INPP4B: variants seen among roughly 807,000 people sequenced by gnomAD.
The protein encoded by INPP4B is inositol polyphosphate 4-phosphatase type II.
A neutral mutation model predicts 122.5 loss-of-function variants in INPP4B; 55 were observed. That is an observed-to-expected ratio of 0.45 (90% confidence interval 0.36 to 0.56). The LOEUF is 0.56. Among genes scored for constraint, INPP4B ranks in the 20% least tolerant of loss-of-function variants. The pLI is 0.00. For synonymous variants in INPP4B, 403 were observed against 388.7 expected (o/e 1.04, Z -0.43); for missense variants, 1,000 against 1,097.7 (o/e 0.91, Z 1.26).
chr4:142,742,991 C>T (rs1293437509), intron 1 of INPP4B, among the ~76,000 whole-genome samples: 1 of 151,916 alleles, frequency 6.6e-6, no homozygotes, highest in African/African-American at 2.4e-5. Flanking sequence ...AAATAGAATT[C>T]AAGTGTATTA....
chr4:142,083,112 A>C (rs1774945088), intron 24 of INPP4B, among the ~76,000 whole-genome samples: 1 of 151,976 alleles, frequency 6.6e-6, no homozygotes, highest in South Asian at 2.1e-4. Flanking sequence ...AAAAAAAAAA[A>C]AAACCTCCCA....
rs1024310121 is a variant in INPP4B, at chr4:142,252,390, G to A, written c.688+8102C>T. 4.6e-5 allele frequency among the ~76,000 whole-genome samples: 7 copies of A among 151,740 alleles called. No individual in the cohort carries two copies. The East Asian group carries it at 5.8e-4, about 13-fold the overall frequency. ...TTTTTAGTAGAGACGGGGTTTCGCC[G>A]TGTTAGCCAGGATGGTCTCGATCTC... is the stretch of plus-strand genomic sequence containing the variant. On this transcript the variant is annotated intron_variant, in intron 11 of 25. Coordinates refer to ENST00000262992, the MANE Select transcript of INPP4B (RefSeq NM_001101669.3).
intron 5 of INPP4B, among the ~76,000 whole-genome samples, chr4:142,419,812 G>A (rs1300654242): frequency 6.6e-6 from 1 of 152,068 alleles, no homozygotes; most frequent in Admixed American, 6.6e-5. Flanking sequence ...TCAACAAGAA[G>A]ACTGACTGAC....
intron 1 of INPP4B, among the ~76,000 whole-genome samples, chr4:142,761,892 A>C (rs1213329947): frequency 1.3e-5 from 2 of 152,120 alleles, no homozygotes; most frequent in African/African-American, 2.4e-5. Flanking sequence ...ACCTCTCAAA[A>C]TACAGCAGGG....
chr4:142,560,945 C>A (rs1364319963), intron 2 of INPP4B, among the ~76,000 whole-genome samples: 1 of 152,166 alleles, frequency 6.6e-6, no homozygotes, highest in Non-Finnish European at 1.5e-5. Flanking sequence ...ACCAGTCTCA[C>A]ATAGGTTGAT....
At chr4:142,239,890 A>T (rs953671518) in intron 11 of INPP4B, among the ~76,000 whole-genome samples, 3 of 151,816 alleles carry the variant, frequency 2.0e-5, no homozygotes, top group African/African-American at 7.3e-5. Flanking sequence ...TTTTTTTTTC[A>T]TGATCACACA....
At chr4:142,101,161 G>A (rs1164334716) in intron 23 of INPP4B, among the ~76,000 whole-genome samples, 1 of 152,130 alleles carries the variant, frequency 6.6e-6, no homozygotes, top group Non-Finnish European at 1.5e-5. Context: ...CTAAGAAAGT[G>A]AAAGCAGCAC....
chr4:142,334,427 A>T (rs1242820264), intron 7 of INPP4B, among the ~76,000 whole-genome samples: 3 of 152,084 alleles, frequency 2.0e-5, no homozygotes, highest in Non-Finnish European at 4.4e-5. Context: ...GCATGAAGAG[A>T]TCTCCTTGAG....
intron 7 of INPP4B, 67 bp downstream of exon 7, chr4:142,402,871 C>T (rs1001380552): frequency 1.4e-4 from 119 of 826,450 alleles, no homozygotes; most frequent in Admixed American, 2.1e-4. Flanking sequence ...GTCAGTTACA[C>T]AAAAAATCCA....
intron 7 of INPP4B, among the ~76,000 whole-genome samples, chr4:142,324,847 C>T (rs1449775759): frequency 1.3e-5 from 2 of 152,112 alleles, no homozygotes; most frequent in Non-Finnish European, 2.9e-5. Context: ...CAAGTCTCTT[C>T]TGAGAAAAAA....
intron 9 of INPP4B, among the ~76,000 whole-genome samples, chr4:142,299,680 G>C (rs1038561222): frequency 2.0e-5 from 3 of 151,974 alleles, no homozygotes; most frequent in Non-Finnish European, 4.4e-5. Context: ...CTCTTCCAAA[G>C]AGTGGTTATT....
intron 2 of INPP4B, among the ~76,000 whole-genome samples, chr4:142,699,923 A>AT (rs1318330724): frequency 5.9e-5 from 9 of 151,880 alleles, no homozygotes; most frequent in Non-Finnish European, 1.0e-4. Flanking sequence ...TCATTTTAGC[A>AT]TTTTTTTTCT....
At chr4:142,727,827 G>A (rs1233523120) in intron 1 of INPP4B, among the ~76,000 whole-genome samples, 3 of 152,124 alleles carry the variant, frequency 2.0e-5, no homozygotes, top group African/African-American at 4.8e-5. Context: ...ATAGTGAGCC[G>A]AGATTGCAGC....
intron 10 of INPP4B, among the ~76,000 whole-genome samples, chr4:142,270,047 CAGAA>C (rs966858801): frequency 7.2e-5 from 11 of 152,068 alleles, no homozygotes; most frequent in African/African-American, 2.7e-4. Context: ...TGAAAAGGAA[CAGAA>C]AGAAAGAAAG....
intron 11 of INPP4B, among the ~76,000 whole-genome samples, chr4:142,238,908 G>A (rs1857882334): frequency 6.6e-6 from 1 of 152,024 alleles, no homozygotes; most frequent in East Asian, 1.9e-4. Flanking sequence ...AGCTTAGTGG[G>A]CAACAAAATA....
intron 15 of INPP4B, among the ~76,000 whole-genome samples, chr4:142,186,968 G>A (rs954316258): frequency 4.6e-5 from 7 of 152,132 alleles, no homozygotes; most frequent in Non-Finnish European, 8.8e-5. Flanking sequence ...GTTGTATATA[G>A]GAAAGTCCAC....
chr4:142,803,189 AAG>A lies in INPP4B; in HGVS notation c.-254+43018_-254+43019del, dbSNP rs1167645111. Among the ~76,000 whole-genome samples, 318 of 148,388 alleles carry A rather than the reference AAG, an allele frequency of 2.1e-3. 2 individuals are homozygous for A. Among genetic ancestry groups the A allele is most frequent in the South Asian group, 8.1e-3 (38 of 4,672 alleles). ...TACGTCTCAAAAAAAAAAAAAAAGA[AAG>A]AAAGAAAGAAAGAAATGAAACATCA... On this transcript the variant is annotated intron_variant, in intron 1 of 25. Coordinates refer to ENST00000262992, the MANE Select transcript of INPP4B (RefSeq NM_001101669.3).
At chr4:142,610,057 C>A (rs923888332) in intron 2 of INPP4B, among the ~76,000 whole-genome samples, 21 of 152,168 alleles carry the variant, frequency 1.4e-4, no homozygotes, top group African/African-American at 4.8e-4. Context: ...TATGGCTTGG[C>A]TGTGTCCCCA....
At chr4:142,669,252 T>A (rs960939716) in intron 2 of INPP4B, among the ~76,000 whole-genome samples, 1 of 152,140 alleles carries the variant, frequency 6.6e-6, no homozygotes, top group Non-Finnish European at 1.5e-5. Context: ...CCAAAAGATC[T>A]ACAGATTCAA....
Sources: allele counts gnomAD v4.1 joint callset (sites outside exome capture counted in the v4.1 genomes callset), GRCh38; gene constraint gnomAD v4.1.1; transcripts MANE v1.5; gene names NCBI Gene and HGNC (gene_info 2026-07-23, HGNC 2026-07-21).